The following UGT3A2 variants were observed in gnomAD, a reference collection of about 807,000 sequenced individuals.
The protein encoded by UGT3A2 is UDP-glycosyltransferase 3A2.
UGT3A2 carries 32 observed loss-of-function variants against 39.8 expected under a neutral mutation model. That is an observed-to-expected ratio of 0.80 (90% CI 0.61 to 1.08). The LOEUF (loss-of-function observed/expected upper bound fraction) is 1.08. Ranked by LOEUF, UGT3A2 falls within the 50% of genes least tolerant of loss-of-function variation. The pLI, the probability that UGT3A2 is intolerant of heterozygous loss-of-function variation, is 0.00. For synonymous variants in UGT3A2, 241 were observed against 230.7 expected, an observed-to-expected ratio of 1.04 and a Z score of -0.40; for missense variants, 611 against 637.1, an observed-to-expected ratio of 0.96 and a Z score of 0.44.
At chr5:36,039,422 T>G in intron 5 of UGT3A2, 55 bp downstream of exon 5, 2 of 1,540,820 alleles carry the variant, frequency 1.3e-6, no homozygotes, top group Non-Finnish European at 1.8e-6. Flanking sequence ...AGAGCCGTGA[T>G]GAGCCCCAAA....
intron 5 of UGT3A2, 138 bp downstream of exon 5, chr5:36,039,338 TG>T: frequency 1.3e-6 from 1 of 780,560 alleles, no homozygotes; most frequent in African/African-American, 1.7e-5. Context: ...GAACTCCAGC[TG>T]GCTGCTACTT....
chr5:36,055,594 A>T (rs1408962278), intron 2 of UGT3A2, among the ~76,000 whole-genome samples: 1 of 152,170 alleles, frequency 6.6e-6, no homozygotes, highest in Non-Finnish European at 1.5e-5. Context: ...TCACCTCATC[A>T]TCCTTTTAAT....
chr5:36,044,021 C>A (rs1191361125), intron 4 of UGT3A2, among the ~76,000 whole-genome samples: 1 of 151,884 alleles, frequency 6.6e-6, no homozygotes, highest in Non-Finnish European at 1.5e-5. Flanking sequence ...CAAAACCAGA[C>A]AAATACACAT....
chr5:36,044,354 C>T (rs1409695134), intron 4 of UGT3A2, among the ~76,000 whole-genome samples: 1 of 152,026 alleles, frequency 6.6e-6, no homozygotes, highest in Non-Finnish European at 1.5e-5. Context: ...CAATAAAAGC[C>T]ATATATGACA....
intron 1 of UGT3A2, among the ~76,000 whole-genome samples, chr5:36,066,141 G>C (rs916882207): frequency 3.3e-5 from 5 of 152,178 alleles, no homozygotes; most frequent in Admixed American, 3.3e-4. Context: ...CAGTTCTCCA[G>C]GTTTCCCCTG....
At chr5:36,038,161 C>T in intron 5 of UGT3A2, 145 bp from the exon 6 acceptor site, 1 of 846,752 alleles carries the variant, frequency 1.2e-6, no homozygotes, top group African/African-American at 1.7e-5. Context: ...GGGACACATC[C>T]AATGTTACAG....
chr5:36,037,246 A>T (rs558289029), intron 6 of UGT3A2, among the ~76,000 whole-genome samples: 24 of 152,318 alleles, frequency 1.6e-4, no homozygotes, highest in African/African-American at 5.8e-4. Context: ...ACAAACACAT[A>T]AATAAATGAG....
At chr5:36,040,176 C>G (rs1401352764) in intron 4 of UGT3A2, among the ~76,000 whole-genome samples, 1 of 152,098 alleles carries the variant, frequency 6.6e-6, no homozygotes, top group East Asian at 1.9e-4. Flanking sequence ...GTGTTTTCCT[C>G]TAATGTTTTA....
intron 1 of UGT3A2, among the ~76,000 whole-genome samples, chr5:36,064,947 C>A (rs547128054): frequency 1.4e-4 from 21 of 152,142 alleles, no homozygotes; most frequent in African/African-American, 5.1e-4. Flanking sequence ...ATTTAGGCCA[C>A]ACAATGATCA....
In UGT3A2 at chr5:36,047,692, C is replaced by T. The variant is rs141577581; in HGVS notation, c.843+1197G>A. On this transcript the variant is annotated intron_variant, in intron 4 of 6. Coordinates refer to ENST00000282507, the MANE Select transcript of UGT3A2 (RefSeq NM_174914.4). ...AGTGTATATTGTCTCACAGCCATTA[C>T]AACCCTTACTCCCATTGTTATCCTC... is the stretch of plus-strand genomic sequence containing the variant. 6.3e-4 allele frequency among the ~76,000 whole-genome samples: 96 copies of T among 152,250 alleles called. No individual in the cohort carries two copies. The East Asian group carries it at 0.015, about 24-fold the overall frequency.
rs936296521 is a variant in UGT3A2, at chr5:36,058,785, C to T, written c.196+5464G>A. On this transcript the variant is annotated intron_variant, in intron 2 of 6. Transcript: ENST00000282507. ...CTTAGGTTTTCATTTCTGTGTTTGT[C>T]CTCCTTCATTCAGTCTCGTAATGAC... 2.6e-5 allele frequency among the ~76,000 whole-genome samples: 4 copies of T among 152,246 alleles called. No homozygotes were observed. The East Asian group carries it at 7.7e-4, about 29-fold the overall frequency.
At chr5:36,066,590 C>T in intron 1 of UGT3A2, 106 bp downstream of exon 1, 1 of 1,581,458 alleles carries the variant, frequency 6.3e-7, no homozygotes, top group Non-Finnish European at 8.7e-7. Flanking sequence ...CAAGCCCAGC[C>T]TGGAAAATCA....
intron 6 of UGT3A2, 25 bp from the exon 7 acceptor site, chr5:36,035,999 C>A (rs747383361): frequency 2.7e-5 from 43 of 1,607,554 alleles, no homozygotes; most frequent in Non-Finnish European, 3.5e-5. Flanking sequence ...AGAGAGGGGG[C>A]ATTACTAATG....
chr5:36,065,010 C>A (rs1742834808), intron 1 of UGT3A2, among the ~76,000 whole-genome samples: 1 of 152,152 alleles, frequency 6.6e-6, no homozygotes, highest in Admixed American at 6.5e-5. Context: ...GGTGGGCCTG[C>A]TGGATCCTGG....
chr5:36,035,801 A>G lies in UGT3A2; in HGVS notation c.1469T>C (p.Val490Ala). ...WHEQYLLDVF[V>A]FLLGLTLGTL... is the part of the protein sequence containing the mutation. ...CCCCAGAGTGAGCCCCAGCAGAAAC[A>G]CAAAAACGTCGAGCAGGTACTGCTC... Residue 490 changes from valine (V) to alanine (A), a missense_variant, in exon 7 of 7, where the codon GTG becomes GCG. By Grantham distance (64) the Val-to-Ala change is moderately conservative. Transcript: ENST00000282507. 6.2e-7 allele frequency: 1 copy of G among 1,614,108 alleles called. No homozygotes were observed. The highest frequency in any genetic ancestry group is 8.5e-7 in the Non-Finnish European group (1 of 1,180,014).
In UGT3A2 at chr5:36,035,925, G is replaced by T. The variant is rs1741810719; in HGVS notation, c.1345C>A (p.Leu449Ile). ...AASVILRSHP[L>I]SPTQRLVGWI... is the part of the protein sequence containing the mutation. ...CCCACCAGCCGCTGTGTGGGGCTGA[G>T]CGGGTGGGAGCGCAGGATGACACTG... Residue 449 changes from leucine to isoleucine, a missense_variant, in exon 7 of 7, where the codon CTC (leucine) becomes ATC (isoleucine). By Grantham distance (5) the Leu-to-Ile change is conservative (BLOSUM62 2). Transcript: ENST00000282507. 1 of 1,614,226 alleles carries T rather than the reference G, an allele frequency of 6.2e-7. No homozygotes were observed. Among genetic ancestry groups the T allele is most frequent in the Non-Finnish European group, 8.5e-7 (1 of 1,180,038 alleles).
rs749264093 is a variant in UGT3A2, at chr5:36,048,972, CA to C, written c.759del (p.Phe253LeufsTer19). ...KAELWFINSDFAFDFARPLLP... is the reference protein window; with the variant it reads ...KAELWFINSDXAFDFARPLLP... ...AGCAGAGGTCGAGCAAAATCAAAGG[CA>C]AAGTCAGAGTTAATGAACCACAACT... On this transcript the variant is annotated frameshift_variant, in exon 4 of 7. Transcript: ENST00000282507. LOFTEE classifies it high-confidence loss of function. 1 of 1,614,166 alleles carries C rather than the reference CA, an allele frequency of 6.2e-7. No homozygotes were observed. The highest frequency in any genetic ancestry group is 8.5e-7 in the Non-Finnish European group (1 of 1,180,032).
intron 2 of UGT3A2, among the ~76,000 whole-genome samples, chr5:36,060,592 T>C (rs1297835): frequency 0.38 from 58,443 of 152,014 alleles, 11,387 homozygotes; most frequent in Non-Finnish European, 0.41. Flanking sequence ...AGCGGGGAGC[T>C]CTTTTCTTCT....
At chr5:36,037,413 C>A (rs1741864447) in intron 6 of UGT3A2, among the ~76,000 whole-genome samples, 1 of 152,070 alleles carries the variant, frequency 6.6e-6, no homozygotes, top group South Asian at 2.1e-4. Flanking sequence ...GAAGAGGGAG[C>A]ACCACAAACA....
Sources: allele counts gnomAD v4.1 joint callset (sites outside exome capture counted in the v4.1 genomes callset), GRCh38; gene constraint gnomAD v4.1.1; transcripts MANE v1.5; gene names NCBI Gene and HGNC (gene_info 2026-07-23, HGNC 2026-07-21).